The following AKT3 variants were observed in gnomAD, a reference collection of about 807,000 sequenced individuals.
AKT3 encodes RAC-gamma serine/threonine-protein kinase.
In AKT3, 15 loss-of-function variants were observed where a neutral mutation model predicts 65.3. The observed-to-expected ratio is 0.23, with a 90% CI of 0.15 to 0.35. The LOEUF is 0.35. AKT3 is among the 10% of genes least tolerant of loss of function. The probability of loss-of-function intolerance (pLI) is 1.00; values close to 1 mark genes in which losing one functional copy is unlikely to be tolerated. For missense variants in AKT3, 243 were observed against 576.5 expected, an observed-to-expected ratio of 0.42 and a Z score of 5.92; for synonymous variants, 206 against 183.8, an observed-to-expected ratio of 1.12 and a Z score of -0.98.
At position 243,500,560 on chromosome 1, in the gene AKT3, T is replaced by TTAAAG. The variant is rs527249482; in HGVS notation, c.*4684_*4688dup. Reference sequence around the variant, plus strand: ...ATACACAATTAAGCCCTCAAATGCTTTAAAGTAATAAAAACGGACACTGGA... The same window carrying TTAAAG: ...ATACACAATTAAGCCCTCAAATGCTTTAAAGTAAAGTAATAAAAACGGACACTGGA... On this transcript the variant is annotated 3_prime_UTR_variant, in exon 14 of 14. Coordinates refer to ENST00000673466, the MANE Select transcript of AKT3 (RefSeq NM_005465.7). 2.6e-5 allele frequency: 6 copies of TTAAAG among 228,084 alleles called. No individual in the cohort carries two copies. The highest frequency in any genetic ancestry group is 1.3e-3 in the Middle Eastern group (1 of 768). 14.1% of individuals were successfully genotyped at this position (228,084 alleles called of 1,614,324 possible). A position where few individuals can be genotyped will look rare whatever the true frequency, so the allele number is the denominator to read the frequency against.
intron 2 of AKT3, among the ~76,000 whole-genome samples, chr1:243,787,467 C>T (rs1691339835): frequency 6.6e-6 from 1 of 152,112 alleles, no homozygotes; most frequent in Non-Finnish European, 1.5e-5. Context: ...TGGCATCCTC[C>T]ACACTTCCCA....
chr1:243,613,783 TTC>T, intron 7 of AKT3, 44 bp from the exon 8 acceptor site: 1 of 1,259,452 alleles, frequency 7.9e-7, no homozygotes, highest in Non-Finnish European at 1.1e-6. Context: ...TAATCCTGTA[TTC>T]TTATAATTAT....
chr1:243,795,326 T>C (rs1691886194), intron 2 of AKT3, among the ~76,000 whole-genome samples: 1 of 152,106 alleles, frequency 6.6e-6, no homozygotes, highest in Admixed American at 6.5e-5. Flanking sequence ...CTGAAGATGC[T>C]GTTATCTTCA....
intron 12 of AKT3, among the ~76,000 whole-genome samples, 157 bp downstream of exon 12, chr1:243,545,353 A>T (rs942439386): frequency 6.6e-6 from 1 of 152,196 alleles, no homozygotes; most frequent in Non-Finnish European, 1.5e-5. Flanking sequence ...TCATGAGTAA[A>T]ATTTTGTGCA....
Position 243,645,941 on chromosome 1 carries a change from A to G in AKT3, c.381T>C (p.Asn127=). ...MNCSPTSQID[N]IGEEEMDAST... Reference sequence around the variant, plus strand: ...AGGCATCCATCTCTTCCTCTCCTATATTATCAATTTGTGAAGTTGGACTAC... The same window carrying G: ...AGGCATCCATCTCTTCCTCTCCTATGTTATCAATTTGTGAAGTTGGACTAC... The change falls in exon 5 of 14, where the codon AAT becomes AAC. Residue 127 remains asparagine (N), a synonymous_variant. Coordinates refer to ENST00000673466, the MANE Select transcript of AKT3 (RefSeq NM_005465.7). The G allele has an allele frequency of 9.3e-6, 15 of 1,612,570 alleles. No homozygotes were observed. The highest frequency in any genetic ancestry group is 1.3e-5 in the Non-Finnish European group (15 of 1,178,908).
At chr1:243,685,083 T>C (rs1250151517) in intron 3 of AKT3, among the ~76,000 whole-genome samples, 1 of 152,198 alleles carries the variant, frequency 6.6e-6, no homozygotes, top group Non-Finnish European at 1.5e-5. Context: ...TTGCGAAAAT[T>C]TTCTCCCATT....
intron 10 of AKT3, 133 bp downstream of exon 10, chr1:243,563,587 C>G: frequency 8.9e-7 from 1 of 1,120,486 alleles, no homozygotes; most frequent in Non-Finnish European, 1.2e-6. Flanking sequence ...AAATTAAGAG[C>G]CAAAAAATTT....
intron 12 of AKT3, among the ~76,000 whole-genome samples, chr1:243,531,011 G>C (rs1484476373): frequency 1.3e-5 from 2 of 152,110 alleles, no homozygotes; most frequent in Admixed American, 1.3e-4. Flanking sequence ...GTTTTTTTCA[G>C]ATGTAAAATA....
At chr1:243,528,294 G>C (rs1181723047) in intron 12 of AKT3, among the ~76,000 whole-genome samples, 1 of 152,054 alleles carries the variant, frequency 6.6e-6, no homozygotes, top group East Asian at 1.9e-4. Context: ...TTTAGCTACT[G>C]CTCCTTTCTT....
chr1:243,682,923 T>C (rs1684023359), intron 3 of AKT3, among the ~76,000 whole-genome samples: 1 of 152,212 alleles, frequency 6.6e-6, no homozygotes, highest in South Asian at 2.1e-4. Context: ...TAACTGCATG[T>C]ATTAATTGCA....
intron 3 of AKT3, chr1:243,687,466 A>G (rs1684401834): frequency 6.6e-6 from 1 of 152,212 alleles, no homozygotes; most frequent in African/African-American, 2.4e-5. Context: ...AGAAACTCAG[A>G]TGATACACAT....
intron 4 of AKT3, among the ~76,000 whole-genome samples, chr1:243,647,416 G>A (rs1477096182): frequency 1.3e-5 from 2 of 152,302 alleles, no homozygotes; most frequent in South Asian, 2.1e-4. Context: ...TAGGTATGGG[G>A]TGGGCTATAC....
At chr1:243,775,942 G>A (rs1227697855) in intron 2 of AKT3, among the ~76,000 whole-genome samples, 1 of 152,090 alleles carries the variant, frequency 6.6e-6, no homozygotes, top group Non-Finnish European at 1.5e-5. Context: ...GCATTTTAAA[G>A]GCCACATAGA....
chr1:243,494,368 C>A (rs1667288543), intron 13 of AKT3, among the ~76,000 whole-genome samples: 1 of 152,154 alleles, frequency 6.6e-6, no homozygotes, highest in Non-Finnish European at 1.5e-5. Flanking sequence ...ACACTGTCAA[C>A]CAAAGTGACT....
At chr1:243,712,184 C>T (rs6676779) in intron 2 of AKT3, among the ~76,000 whole-genome samples, 126,654 of 152,156 alleles carry the variant, frequency 0.83, 52,867 homozygotes, top group Middle Eastern at 0.87. Flanking sequence ...GATATATTCA[C>T]GGCCACCTAT....
intron 13 of AKT3, among the ~76,000 whole-genome samples, chr1:243,488,760 C>T (rs1212814383): frequency 1.3e-5 from 2 of 152,162 alleles, no homozygotes; most frequent in South Asian, 2.1e-4. Context: ...TCTACTTACC[C>T]CACTTATCTG....
intron 12 of AKT3, among the ~76,000 whole-genome samples, chr1:243,533,307 A>G (rs1425217850): frequency 1.3e-5 from 2 of 152,230 alleles, no homozygotes; most frequent in Non-Finnish European, 2.9e-5. Context: ...AGTCAACGCC[A>G]TAATTATAGT....
intron 2 of AKT3, chr1:243,703,110 TGTA>T (rs1685570319): frequency 6.6e-6 from 1 of 152,222 alleles, no homozygotes; most frequent in African/African-American, 2.4e-5. Flanking sequence ...TCATTCACAA[TGTA>T]GTAAATATTT....
At chr1:243,583,168 G>GTATATATATATA (rs1425079716) in intron 8 of AKT3, among the ~76,000 whole-genome samples, 27 of 113,208 alleles carry the variant, frequency 2.4e-4, no homozygotes, top group African/African-American at 8.4e-4. Context: ...GTATATGTGT[G>GTATATATATATA]TGTATATATA....
Sources: gnomAD v4.1 joint callset for allele counts (sites outside exome capture counted in the v4.1 genomes callset) on GRCh38, gnomAD v4.1.1 for gene constraint, MANE v1.5 for transcripts, NCBI Gene and HGNC (gene_info 2026-07-23, HGNC 2026-07-21) for gene names.